Variants in BTG1 observed in about 807,000 individuals in gnomAD.
The protein encoded by BTG1 is protein BTG1.
BTG1 carries 2 observed loss-of-function variants against 15.2 expected under a neutral mutation model. The ratio of observed to expected loss-of-function variants is 0.13; its 90% confidence interval spans 0.05 to 0.41. BTG1 has a LOEUF of 0.41. Ranked by LOEUF, BTG1 falls within the 10% of genes least tolerant of loss-of-function variation. The probability of loss-of-function intolerance (pLI) is 0.99; values close to 1 mark genes in which losing one functional copy is unlikely to be tolerated. For missense variants in BTG1, 149 were observed against 215.0 expected, an observed-to-expected ratio of 0.69 and a Z score of 1.92; for synonymous variants, 109 against 82.4, an observed-to-expected ratio of 1.32 and a Z score of -1.75.
Position 92,141,267 on chromosome 12 carries a change from T to C in BTG1, c.*2813A>G, listed in dbSNP as rs1430814002. On this transcript the variant is annotated 3_prime_UTR_variant, in exon 2 of 2. Transcript: ENST00000256015. ...ACCTGAAAGCCACTTTCTGGTGGCC[T>C]TTCCAGTCTATTATTATAGAAATAT... 1 of 232,474 alleles carries C rather than the reference T, an allele frequency of 4.3e-6. No individual in the cohort carries two copies. Among genetic ancestry groups the C allele is most frequent in the African/African-American group, 2.2e-5 (1 of 45,312 alleles). 14.4% of individuals were successfully genotyped at this position (232,474 alleles called of 1,614,324 possible). A position where few individuals can be genotyped will look rare whatever the true frequency, so the allele number is the denominator to read the frequency against.
At chr12:92,145,212 T>A (rs1641917557) in intron 1 of BTG1, 176 bp downstream of exon 1, 3 of 1,046,202 alleles carry the variant, frequency 2.9e-6, no homozygotes, top group Non-Finnish European at 3.8e-6. Flanking sequence ...GTCCAGCCCC[T>A]AAAGCCTCGC....
At position 92,144,455 on chromosome 12, in the gene BTG1, AG is replaced by A; in HGVS notation, c.149-9del. On this transcript the variant is annotated splice_polypyrimidine_tract_variant and intron_variant, in intron 1 of 1. Coordinates refer to ENST00000256015, the MANE Select transcript of BTG1 (RefSeq NM_001731.3). ...AGTGATGTTTATAATGTTCTATAGAAGAAAAGAAGAACAGAGAAACAACGCT... is the reference window on the plus strand; with the variant it reads ...AGTGATGTTTATAATGTTCTATAGAAAAAAGAAGAACAGAGAAACAACGCT... 1 of 1,611,074 alleles carries A rather than the reference AG, an allele frequency of 6.2e-7. No individual in the cohort carries two copies. The highest frequency in any genetic ancestry group is 1.3e-5 in the African/African-American group (1 of 74,752).
At position 92,143,977 on chromosome 12, in the gene BTG1, G is replaced by A; in HGVS notation, c.*103C>T. ...TATCTTGTGCCAGATCTTCACAGCT[G>A]TGACATGGTTTAAATTCCATAATCC... On this transcript the variant is annotated 3_prime_UTR_variant, in exon 2 of 2. Transcript: ENST00000256015. 1 of 1,399,564 alleles carries A rather than the reference G, an allele frequency of 7.1e-7. No individual in the cohort carries two copies. Among genetic ancestry groups the A allele is most frequent in the Non-Finnish European group, 9.8e-7 (1 of 1,024,550 alleles). 86.7% of individuals were successfully genotyped at this position (1,399,564 alleles called of 1,614,324 possible). A position where few individuals can be genotyped will look rare whatever the true frequency, so the allele number is the denominator to read the frequency against.
Position 92,144,422 on chromosome 12 carries a change from T to C in BTG1, c.174A>G (p.Pro58=). The stretch of plus-strand genomic sequence containing the variant: ...AACCCGATCCCTTGCATGGCTTTTC[T>C]GGGAACCAGTGATGTTTATAATGTT... ...LAEHYKHHWF[P]EKPCKGSGYR... The change falls in exon 2 of 2, where the codon CCA becomes CCG. Residue 58 remains proline (P), a synonymous_variant. Coordinates refer to ENST00000256015, the MANE Select transcript of BTG1 (RefSeq NM_001731.3). 6.2e-7 allele frequency: 1 copy of C among 1,614,184 alleles called. No homozygotes were observed. The highest frequency in any genetic ancestry group is 8.5e-7 in the Non-Finnish European group (1 of 1,180,022).
At position 92,140,821 on chromosome 12, in the gene BTG1, T is replaced by C. The variant is rs1448566233; in HGVS notation, c.*3259A>G. On this transcript the variant is annotated 3_prime_UTR_variant, in exon 2 of 2. Transcript: ENST00000256015. ...ATTCAGTTTTAGACAATCCAAGATA[T>C]ACTTTTTGAAGACTTCCATGCATAG... 5.2e-5 allele frequency: 12 copies of C among 232,456 alleles called. No individual in the cohort carries two copies. In the East Asian group the frequency reaches 6.1e-4, roughly 12 times the overall value. 14.4% of individuals were successfully genotyped at this position (232,456 alleles called of 1,614,324 possible). A position where few individuals can be genotyped will look rare whatever the true frequency, so the allele number is the denominator to read the frequency against.
intron 1 of BTG1, chr12:92,144,940 G>A (rs1870486564): frequency 1.5e-5 from 3 of 198,172 alleles, no homozygotes; most frequent in South Asian, 1.6e-4. Flanking sequence ...GGAGGCGCGG[G>A]GAGACGGCAC....
chr12:92,144,961 A>G, intron 1 of BTG1: 1 of 191,964 alleles, frequency 5.2e-6, no homozygotes, highest in Non-Finnish European at 1.1e-5. Context: ...GTCCGTTCTG[A>G]GCTGGCTCCG....
In BTG1 at chr12:92,144,180, T is replaced by C. The variant is rs28399541; in HGVS notation, c.416A>G (p.Asn139Ser). 2.2e-3 allele frequency: 3,568 copies of C among 1,614,204 alleles called. 66 individuals carry two copies. The African/African-American group carries it at 0.039, about 18-fold the overall frequency. ...GATTCGGCTGTCTACCATTTGCACG[T>C]TGGTGCTGTTTTGAGTGCTACCTCC... is the stretch of plus-strand genomic sequence containing the variant. The part of the protein sequence containing the change: ...PAGGSTQNST[N>S]VQMVDSRISC... The change falls in exon 2 of 2, where the codon AAC becomes AGC. Residue 139 changes from asparagine (N) to serine (S), a missense_variant. Asn to Ser is a conservative substitution (Grantham distance 46, BLOSUM62 1). This residue lies in a region of BTG1 where 52 missense variants were observed against 57.4 expected (regional missense o/e 0.91). Coordinates refer to ENST00000256015, the MANE Select transcript of BTG1 (RefSeq NM_001731.3).
chr12:92,144,918 T>G, intron 1 of BTG1: 1 of 203,518 alleles, frequency 4.9e-6, no homozygotes, highest in East Asian at 1.7e-4. Flanking sequence ...CGATGATTAA[T>G]GGGCAGGGGC....
intron 1 of BTG1, 149 bp downstream of exon 1, chr12:92,145,239 C>G: frequency 8.3e-7 from 1 of 1,208,210 alleles, no homozygotes; most frequent in East Asian, 3.2e-5. Context: ...CCGCTGTTAG[C>G]GGCCACCCAG....
Position 92,141,462 on chromosome 12 carries a change from A to G in BTG1, c.*2618T>C, listed in dbSNP as rs1870221866. On this transcript the variant is annotated 3_prime_UTR_variant, in exon 2 of 2. Transcript: ENST00000256015. ...TTGGAAAAAAGGAAATAATTTCAAAACTACCTGTTAAAACTTAGAAAGTAA... is the reference window on the plus strand; with the variant it reads ...TTGGAAAAAAGGAAATAATTTCAAAGCTACCTGTTAAAACTTAGAAAGTAA... 1 of 231,740 alleles carries G rather than the reference A, an allele frequency of 4.3e-6. No individual in the cohort carries two copies. The highest frequency in any genetic ancestry group is 8.5e-6 in the Non-Finnish European group (1 of 117,150). The allele number at this position is 231,740 out of a possible 1,614,324, so 14.4% of individuals were successfully genotyped here.
rs1870345824 is a variant in BTG1 at position 92,142,952 on chromosome 12, A to T, written c.*1128T>A. 1 of 232,980 alleles carries T rather than the reference A, an allele frequency of 4.3e-6. No individual in the cohort carries two copies. The highest frequency in any genetic ancestry group is 8.5e-6 in the Non-Finnish European group (1 of 117,978). The allele number at this position is 232,980 out of a possible 1,614,324, so 14.4% of individuals were successfully genotyped here. A position where few individuals can be genotyped will look rare whatever the true frequency, so the allele number is the denominator to read the frequency against. On this transcript the variant is annotated 3_prime_UTR_variant, in exon 2 of 2. Coordinates refer to ENST00000256015, the MANE Select transcript of BTG1 (RefSeq NM_001731.3). The stretch of plus-strand genomic sequence containing the variant: ...TTTTGACTTTAGAAATTTTTAAAAC[A>T]TGCTACTCCTGTGTTTCCTGTAAAA...
At position 92,141,761 on chromosome 12, in the gene BTG1, C is replaced by T. The variant is rs988945509; in HGVS notation, c.*2319G>A. On this transcript the variant is annotated 3_prime_UTR_variant, in exon 2 of 2. Coordinates refer to ENST00000256015, the MANE Select transcript of BTG1 (RefSeq NM_001731.3). ...CCTTTTTCAAAGACAAACTTATAAA[C>T]AGCTCCTCACAAGCCAGACATCACC... 4 of 232,570 alleles carry T rather than the reference C, an allele frequency of 1.7e-5. No individual in the cohort carries two copies. Among genetic ancestry groups the T allele is most frequent in the African/African-American group, 8.8e-5 (4 of 45,316 alleles). The allele number at this position is 232,570 out of a possible 1,614,324, so 14.4% of individuals were successfully genotyped here.
rs909684930 is a variant in BTG1 at position 92,143,039 on chromosome 12, T to C, written c.*1041A>G. 4.3e-6 allele frequency: 1 copy of C among 232,852 alleles called. No homozygotes were observed. Among genetic ancestry groups the C allele is most frequent in the African/African-American group, 2.2e-5 (1 of 45,334 alleles). 14.4% of individuals were successfully genotyped at this position (232,852 alleles called of 1,614,324 possible). ...TCAAATGTTTTTCCAGCATGACCAG[T>C]GTGCAACAGAGATTCAGTTTATAGA... On this transcript the variant is annotated 3_prime_UTR_variant, in exon 2 of 2. Transcript: ENST00000256015.
chr12:92,144,075 A>C lies in BTG1; in HGVS notation c.*5T>G. On this transcript the variant is annotated 3_prime_UTR_variant, in exon 2 of 2. Transcript: ENST00000256015. ...TCATCAGATGATCCATCCACAGACT[A>C]TATCTTAACCTGATACAGTCATCAT... 1 of 1,611,008 alleles carries C rather than the reference A, an allele frequency of 6.2e-7. No individual in the cohort carries two copies. The highest frequency in any genetic ancestry group is 1.3e-5 in the African/African-American group (1 of 74,932).
chr12:92,145,291 GC>G lies in BTG1; in HGVS notation c.148+96del, dbSNP rs1197740887. ...CCGCGGCGGGGCCCAAGCGCGACCGGCCCCGGGGCGCTGCCGAGGTTCCCGC... is the reference window on the plus strand; with the variant it reads ...CCGCGGCGGGGCCCAAGCGCGACCGGCCCGGGGCGCTGCCGAGGTTCCCGC... On this transcript the variant is annotated intron_variant, in intron 1 of 1. Coordinates refer to ENST00000256015, the MANE Select transcript of BTG1 (RefSeq NM_001731.3). The G allele has an allele frequency of 1.7e-5, 23 of 1,346,388 alleles. No homozygotes were observed. The East Asian group carries it at 7.0e-4, about 41-fold the overall frequency. 83.4% of individuals were successfully genotyped at this position (1,346,388 alleles called of 1,614,324 possible).
rs950187233 is a variant in BTG1, at chr12:92,141,400, C to T, written c.*2680G>A. On this transcript the variant is annotated 3_prime_UTR_variant, in exon 2 of 2. Coordinates refer to ENST00000256015, the MANE Select transcript of BTG1 (RefSeq NM_001731.3). ...TCTTGCTATACAATCCACTTGAAGC[C>T]TTGTTTCAACATTACAGAGGGAGGC... is the stretch of plus-strand genomic sequence containing the variant. 2 of 231,908 alleles carry T rather than the reference C, an allele frequency of 8.6e-6. No homozygotes were observed. The highest frequency in any genetic ancestry group is 1.7e-5 in the Non-Finnish European group (2 of 117,330). The allele number at this position is 231,908 out of a possible 1,614,324, so 14.4% of individuals were successfully genotyped here.
In BTG1 at chr12:92,142,337, G is replaced by A. The variant is rs1353601835; in HGVS notation, c.*1743C>T. 1 of 230,542 alleles carries A rather than the reference G, an allele frequency of 4.3e-6. No individual in the cohort carries two copies. The highest frequency in any genetic ancestry group is 8.6e-6 in the Non-Finnish European group (1 of 116,526). 14.3% of individuals were successfully genotyped at this position (230,542 alleles called of 1,614,324 possible). A position where few individuals can be genotyped will look rare whatever the true frequency, so the allele number is the denominator to read the frequency against. On this transcript the variant is annotated 3_prime_UTR_variant, in exon 2 of 2. Coordinates refer to ENST00000256015, the MANE Select transcript of BTG1 (RefSeq NM_001731.3). The stretch of plus-strand genomic sequence containing the variant: ...GACTGCGTATTTCCAGTGTCAACAT[G>A]TTTACATATATACCAAAAAAAGGCC...
In BTG1 at chr12:92,142,230, A is replaced by G. The variant is rs561726012; in HGVS notation, c.*1850T>C. 2.2e-4 allele frequency: 50 copies of G among 231,692 alleles called. No individual in the cohort carries two copies. The highest frequency in any genetic ancestry group is 1.5e-3 in the South Asian group (8 of 5,512). The allele number at this position is 231,692 out of a possible 1,614,324, so 14.4% of individuals were successfully genotyped here. On this transcript the variant is annotated 3_prime_UTR_variant, in exon 2 of 2. Transcript: ENST00000256015. Reference sequence around the variant, plus strand: ...TTCCTGTGTTGTCTACAAAATCAGAATAATTTATTCCTGGGTGTAGAAATA... The same window carrying G: ...TTCCTGTGTTGTCTACAAAATCAGAGTAATTTATTCCTGGGTGTAGAAATA...
Sources: gnomAD v4.1 joint callset for allele counts on GRCh38, gnomAD v4.1.1 for gene constraint, gnomAD v4.1.1 regional missense constraint, MANE v1.5 for transcripts, NCBI Gene and HGNC (gene_info 2026-07-23, HGNC 2026-07-21) for gene names.